The following RGS6 variants were observed in gnomAD, a reference collection of about 807,000 sequenced individuals.
The protein encoded by RGS6 is regulator of G-protein signaling 6.
A neutral mutation model predicts 78.5 loss-of-function variants in RGS6; 30 were observed. The ratio of observed to expected loss-of-function variants is 0.38; its 90% CI spans 0.29 to 0.52. The LOEUF (loss-of-function observed/expected upper bound fraction) is 0.52. Among genes scored for constraint, RGS6 ranks in the 20% least tolerant of loss-of-function variants. RGS6 has a pLI of 0.85. For synonymous variants in RGS6, 206 were observed against 206.0 expected, an observed-to-expected ratio of 1.00 and a Z score of 0.00; for missense variants, 495 against 609.7, an observed-to-expected ratio of 0.81 and a Z score of 1.98.
At chr14:72,452,266 A>C (rs984747006) in intron 3 of RGS6, among the ~76,000 whole-genome samples, 1 of 151,552 alleles carries the variant, frequency 6.6e-6, no homozygotes, top group African/African-American at 2.4e-5. Context: ...AAGAATACGA[A>C]TGAATACGAG....
the RGS6 span, among the ~76,000 whole-genome samples, chr14:72,581,777 A>G: frequency 3.3e-5 from 5 of 152,228 alleles, no homozygotes; most frequent in Admixed American, 3.3e-4. Context: ...TTCTCTCTCT[A>G]GAAACCTTCT....
chr14:72,283,036 T>G (rs1311459651), intron 2 of RGS6, among the ~76,000 whole-genome samples: 1 of 152,258 alleles, frequency 6.6e-6, no homozygotes, highest in South Asian at 2.1e-4. Flanking sequence ...TATTTGTCCT[T>G]CTGTGACTGG....
chr14:72,315,654 GT>G (rs1372528213), intron 2 of RGS6, among the ~76,000 whole-genome samples: 1 of 152,194 alleles, frequency 6.6e-6, no homozygotes, highest in Non-Finnish European at 1.5e-5. Flanking sequence ...AAGAGCTAAT[GT>G]TTATGTGCCA....
intron 2 of RGS6, among the ~76,000 whole-genome samples, chr14:72,319,265 A>G (rs1046383298): frequency 6.6e-6 from 1 of 152,210 alleles, no homozygotes; most frequent in Non-Finnish European, 1.5e-5. Flanking sequence ...CTCAAAACAG[A>G]AATAAAGAGG....
intron 2 of RGS6, among the ~76,000 whole-genome samples, chr14:72,108,100 T>C (rs1202280308): frequency 6.6e-6 from 1 of 152,202 alleles, no homozygotes; most frequent in Non-Finnish European, 1.5e-5. Context: ...AAGCTCATTC[T>C]GTAGTAGTCG....
intron 2 of RGS6, among the ~76,000 whole-genome samples, chr14:71,992,312 C>T (rs373542114): frequency 4.6e-5 from 7 of 152,322 alleles, no homozygotes; most frequent in East Asian, 3.9e-4. Context: ...GGATTACAGG[C>T]GTGAGCCCAC....
At chr14:72,516,632 G>A (rs978133979) in intron 14 of RGS6, among the ~76,000 whole-genome samples, 3 of 152,226 alleles carry the variant, frequency 2.0e-5, no homozygotes, top group African/African-American at 4.8e-5. Flanking sequence ...CACTGGGCCA[G>A]CATTGAGCCT....
At chr14:72,011,417 C>G (rs568652219) in intron 2 of RGS6, among the ~76,000 whole-genome samples, 8 of 152,288 alleles carry the variant, frequency 5.3e-5, no homozygotes, top group African/African-American at 1.7e-4. Context: ...TGAACTTTCT[C>G]TCCTTACCTG....
chr14:72,629,752 A>C, the RGS6 span: 2 of 1,530,370 alleles, frequency 1.3e-6, no homozygotes, highest in Non-Finnish European at 1.8e-6. Flanking sequence ...GGAAGCCAGA[A>C]ACAACAGCAT....
chr14:72,441,374 TCCTGCAAAGCCAGG>T (rs1434016210), intron 3 of RGS6, among the ~76,000 whole-genome samples: 1 of 152,206 alleles, frequency 6.6e-6, no homozygotes, highest in Non-Finnish European at 1.5e-5. Context: ...TTCTCACCAG[TCCTGCAAAGCCAGG>T]CCTTGACCCC....
chr14:72,256,573 C>A (rs2057125678), intron 2 of RGS6, among the ~76,000 whole-genome samples: 1 of 152,134 alleles, frequency 6.6e-6, no homozygotes, highest in Admixed American at 6.5e-5. Flanking sequence ...ATAATTCTAA[C>A]CTTGTCGCTT....
At chr14:71,996,398 G>A (rs2095207376) in intron 2 of RGS6, among the ~76,000 whole-genome samples, 2 of 152,144 alleles carry the variant, frequency 1.3e-5, no homozygotes, top group Admixed American at 6.5e-5. Flanking sequence ...AAAGTGGTAG[G>A]TAAGACACAG....
At chr14:71,895,478 C>A in the RGS6 span, among the ~76,000 whole-genome samples, 14 of 152,208 alleles carry the variant, frequency 9.2e-5, no homozygotes, top group Non-Finnish European at 1.8e-4. Flanking sequence ...TGAGCCACCA[C>A]AACCAGCCTC....
chr14:72,126,453 T>G (rs72719835), intron 2 of RGS6, among the ~76,000 whole-genome samples: 10,476 of 152,344 alleles, frequency 0.069, 426 homozygotes, highest in Non-Finnish European at 0.099. Context: ...ATTTGCTGTT[T>G]CCAGCATAGA....
intron 2 of RGS6, among the ~76,000 whole-genome samples, chr14:72,278,679 G>A (rs1274332249): frequency 6.6e-6 from 1 of 152,176 alleles, no homozygotes; most frequent in African/African-American, 2.4e-5. Context: ...ACACAATCAT[G>A]GGAGCTGGTC....
chr14:72,538,285 A>G (rs1410308835), intron 16 of RGS6, among the ~76,000 whole-genome samples: 2 of 152,266 alleles, frequency 1.3e-5, no homozygotes, highest in Non-Finnish European at 2.9e-5. Context: ...GAGAGGGAAT[A>G]TGAATCAGCC....
chr14:72,041,057 G>C (rs2092356790), intron 2 of RGS6, among the ~76,000 whole-genome samples: 1 of 152,014 alleles, frequency 6.6e-6, no homozygotes, highest in Non-Finnish European at 1.5e-5. Context: ...TCCTTTGTCA[G>C]GTAATTTATA....
intron 8 of RGS6, among the ~76,000 whole-genome samples, chr14:72,470,855 G>C (rs2096059015): frequency 6.7e-6 from 1 of 149,146 alleles, no homozygotes; most frequent in Non-Finnish European, 1.5e-5. Flanking sequence ...CTCCAGCCTG[G>C]GCAACAAGAG....
At chr14:72,090,707 T>G (rs1235381880) in intron 2 of RGS6, among the ~76,000 whole-genome samples, 1 of 151,704 alleles carries the variant, frequency 6.6e-6, no homozygotes, top group Admixed American at 6.6e-5. Context: ...AAGGTGGGTC[T>G]TCTTAGAGGT....
Sources: gnomAD v4.1 joint callset for allele counts (sites outside exome capture counted in the v4.1 genomes callset) on GRCh38, gnomAD v4.1.1 for gene constraint, MANE v1.5 for transcripts, NCBI Gene and HGNC (gene_info 2026-07-23, HGNC 2026-07-21) for gene names.